The following PIEZO1 variants were observed in gnomAD, a reference collection of about 807,000 sequenced individuals.
PIEZO1 encodes piezo-type mechanosensitive ion channel component 1.
A neutral mutation model predicts 297.2 loss-of-function variants in PIEZO1; 296 were observed. The ratio of observed to expected loss-of-function variants is 1.00; its 90% CI spans 0.91 to 1.10. The LOEUF (loss-of-function observed/expected upper bound fraction) is 1.10. Among genes scored for constraint, PIEZO1 ranks in the 50% least tolerant of loss-of-function variants. The probability of loss-of-function intolerance (pLI) is 0.00; values close to 1 mark genes in which losing one functional copy is unlikely to be tolerated. For synonymous variants in PIEZO1, 2,427 were observed against 1,507.5 expected, an observed-to-expected ratio of 1.61 and a Z score of -14.13; for missense variants, 5,018 against 3,455.5, an observed-to-expected ratio of 1.45 and a Z score of -11.34.
At chr16:88,759,651 G>A (rs1465850955) in intron 1 of PIEZO1, among the ~76,000 whole-genome samples, 1 of 152,204 alleles carries the variant, frequency 6.6e-6, no homozygotes, top group Admixed American at 6.5e-5. Flanking sequence ...ATGACCCCAG[G>A]CAGAGCACAA....
chr16:88,734,111 G>A, intron 16 of PIEZO1, 57 bp from the exon 17 acceptor site: 4 of 1,465,830 alleles, frequency 2.7e-6, no homozygotes, highest in Non-Finnish European at 3.6e-6. Context: ...CTCATTTCCT[G>A]GGGCTGGAAG....
intron 39 of PIEZO1, 93 bp downstream of exon 39, chr16:88,721,073 G>C (rs1912401842): frequency 1.6e-6 from 2 of 1,282,504 alleles, no homozygotes; most frequent in Non-Finnish European, 2.1e-6. Context: ...CCTCGCACTG[G>C]GCTTGGCCGT....
At chr16:88,776,390 G>T (rs1449922754) in intron 1 of PIEZO1, among the ~76,000 whole-genome samples, 3 of 152,134 alleles carry the variant, frequency 2.0e-5, no homozygotes, top group South Asian at 4.1e-4. Context: ...GCCCAGACTG[G>T]GCCACTGCAC....
chr16:88,773,662 A>T (rs1907526806), intron 1 of PIEZO1, among the ~76,000 whole-genome samples: 1 of 150,612 alleles, frequency 6.6e-6, no homozygotes, highest in Non-Finnish European at 1.5e-5. Context: ...AGGTCGGGGG[A>T]GTGGACAGCA....
At position 88,719,920 on chromosome 16, in the gene PIEZO1, C is replaced by G. The variant is rs199752762; in HGVS notation, c.6205G>C (p.Val2069Leu). 3 of 1,550,408 alleles carry G rather than the reference C, an allele frequency of 1.9e-6. No individual in the cohort carries two copies. Among genetic ancestry groups the G allele is most frequent in the Non-Finnish European group, 2.6e-6 (3 of 1,146,946 alleles). The stretch of plus-strand genomic sequence containing the variant: ...GACAGGGCGAAGTAGATGCACTTCA[C>G]GAAGTACCAGAGCTGGGCCACCACA... ...QNVVAQLWYFVKCIYFALSAY... is the reference protein window; with the variant it reads ...QNVVAQLWYFLKCIYFALSAY... Residue 2069 changes from valine (V) to leucine (L), a missense_variant, in exon 43 of 51, where the codon GTG (valine) becomes CTG (leucine). Transcript: ENST00000301015.
rs1358902786 is a variant in PIEZO1, at chr16:88,728,480, A to G, written c.3197-819T>C. ...AACCTCGCGACCCAAAAGCAAAGTG[A>G]CCCTCGATGCTGGGGAACCCAGGAC... is the stretch of plus-strand genomic sequence containing the variant. On this transcript the variant is annotated intron_variant, in intron 22 of 50. Coordinates refer to ENST00000301015, the MANE Select transcript of PIEZO1 (RefSeq NM_001142864.4). 2.8e-5 allele frequency among the ~76,000 whole-genome samples: 4 copies of G among 143,766 alleles called. No homozygotes were observed. In the East Asian group the frequency reaches 8.5e-4, roughly 31 times the overall value. The allele number at this position is 143,766 out of a possible 152,430, so 94.3% of individuals were successfully genotyped here.
chr16:88,719,417 G>C lies in PIEZO1; in HGVS notation c.6471+157C>G, dbSNP rs542420473. 9 of 653,708 alleles carry C rather than the reference G, an allele frequency of 1.4e-5. No homozygotes were observed. The South Asian group carries it at 1.5e-4, about 11-fold the overall frequency. The allele number at this position is 653,708 out of a possible 1,614,324, so 40.5% of individuals were successfully genotyped here. A position where few individuals can be genotyped will look rare whatever the true frequency, so the allele number is the denominator to read the frequency against. On this transcript the variant is annotated intron_variant, in intron 44 of 50. Transcript: ENST00000301015. The stretch of plus-strand genomic sequence containing the variant: ...CGCAGCTGCCAAGATCACTGGCCTC[G>C]TGATCAGCTAGTGGGTGGGCTCGCC...
chr16:88,720,387 C>G lies in PIEZO1; in HGVS notation c.5947G>C (p.Gly1983Arg). Reference protein sequence around the residue: ...IIIIFGFWAFGKHSAATDITS... With the variant: ...IIIIFGFWAFRKHSAATDITS... The stretch of plus-strand genomic sequence containing the variant: ...TTTGGGTCCCGGGCCTGGCTCACCC[C>G]AAAGGCCCAGAAGCCAAAAATGATG... The change falls in exon 41 of 51, where the codon GGG becomes CGG. Residue 1983 changes from glycine (G) to arginine (R), a missense_variant and splice_region_variant. Coordinates refer to ENST00000301015, the MANE Select transcript of PIEZO1 (RefSeq NM_001142864.4). The G allele has an allele frequency of 6.5e-7, 1 of 1,550,376 alleles. No individual in the cohort carries two copies. The highest frequency in any genetic ancestry group is 8.7e-7 in the Non-Finnish European group (1 of 1,146,952).
chr16:88,720,009 G>A, intron 42 of PIEZO1, 49 bp from the exon 43 acceptor site: 1 of 1,549,214 alleles, frequency 6.5e-7, no homozygotes, highest in Non-Finnish European at 8.7e-7. Context: ...CAGCCCCGCA[G>A]GGCCCCCAGC....
chr16:88,761,270 C>T (rs572741818), intron 1 of PIEZO1, among the ~76,000 whole-genome samples: 1 of 152,350 alleles, frequency 6.6e-6, no homozygotes, highest in East Asian at 1.9e-4. Flanking sequence ...CCACCACGCC[C>T]ATTTCACAGA....
intron 1 of PIEZO1, among the ~76,000 whole-genome samples, chr16:88,772,055 C>G (rs1907447904): frequency 1.4e-5 from 2 of 140,204 alleles, no homozygotes; most frequent in Admixed American, 7.0e-5. Flanking sequence ...ACCCGCGGCC[C>G]CAGGCCCACC....
rs777745337 is a variant in PIEZO1 at position 88,742,426 on chromosome 16, C to T, written c.161-4G>A. On this transcript the variant is annotated splice_polypyrimidine_tract_variant and splice_region_variant and intron_variant, in intron 2 of 50. Coordinates refer to ENST00000301015, the MANE Select transcript of PIEZO1 (RefSeq NM_001142864.4). ...CGCAGGAGGCGGCCTGTGTGACCTG[C>T]GGCAGAGCGAGTGGGTGAGGCTGGT... 2.1e-5 allele frequency: 32 copies of T among 1,534,102 alleles called. No homozygotes were observed. The highest frequency in any genetic ancestry group is 4.9e-5 in the East Asian group (2 of 40,918).
Position 88,727,563 on chromosome 16 carries a change from G to C in PIEZO1, c.3295C>G (p.Leu1099Val). The change falls in exon 23 of 51, where the codon CTC becomes GTC. Residue 1099 changes from leucine (L) to valine (V), a missense_variant. By Grantham distance (32) the Leu-to-Val change is conservative. Coordinates refer to ENST00000301015, the MANE Select transcript of PIEZO1 (RefSeq NM_001142864.4). ...GGTGGTGGGGGGCACTCACTGATGA[G>C]GTTGGTGGAGTTGGGGGCCCGGAAG... ...DFFRAPNSTN[L>V]ISDFLLLLCA... 2.1e-6 allele frequency: 3 copies of C among 1,447,354 alleles called. No individual in the cohort carries two copies. The highest frequency in any genetic ancestry group is 1.4e-5 in the African/African-American group (1 of 70,904). 89.7% of individuals were successfully genotyped at this position (1,447,354 alleles called of 1,614,324 possible).
At chr16:88,769,563 G>A (rs1343490621) in intron 1 of PIEZO1, among the ~76,000 whole-genome samples, 1 of 152,192 alleles carries the variant, frequency 6.6e-6, no homozygotes, top group East Asian at 1.9e-4. Context: ...TCCTACCACT[G>A]CACATGACCG....
intron 30 of PIEZO1, among the ~76,000 whole-genome samples, chr16:88,724,515 G>A (rs1904312990): frequency 6.7e-6 from 1 of 150,198 alleles, no homozygotes; most frequent in African/African-American, 2.5e-5. Flanking sequence ...TGGGCGACAG[G>A]GCAAGACACC....
Position 88,722,293 on chromosome 16 carries a change from T to A in PIEZO1, c.4880A>T (p.Asp1627Val). 6.5e-7 allele frequency: 1 copy of A among 1,548,348 alleles called. No homozygotes were observed. The highest frequency in any genetic ancestry group is 8.7e-7 in the Non-Finnish European group (1 of 1,146,656). ...TRSGSEEAVT[D>V]PGEREAGASL... is the part of the protein sequence containing the mutation. ...GGCACCAGCCTCACGCTCCCCGGGG[T>A]CGGTGACTGCCTCCTCACTGCCACT... Residue 1627 changes from aspartate to valine, a missense_variant, in exon 36 of 51, where the codon GAC (aspartate) becomes GTC (valine). By Grantham distance (152) the Asp-to-Val change is radical (BLOSUM62 -3). Transcript: ENST00000301015.
Position 88,737,956 on chromosome 16 carries a change from C to T in PIEZO1, c.998G>A (p.Arg333His), listed in dbSNP as rs139099911. Residue 333 changes from arginine to histidine, a missense_variant, in exon 8 of 51, where the codon CGC becomes CAC. Transcript: ENST00000301015. Reference protein sequence around the residue: ...CYATASLRKLRAYRPSGQRKE... With the variant: ...CYATASLRKLHAYRPSGQRKE... ...CACCTGGCCGGAGGGGCGGTACGCG[C>T]GGAGCTTGCGCAGAGAGGCCGTGGC... 5.9e-3 allele frequency: 9,029 copies of T among 1,531,970 alleles called. 35 individuals are homozygous for T. The highest frequency in any genetic ancestry group is 0.014 in the African/African-American group (1,013 of 73,116). 94.9% of individuals were successfully genotyped at this position (1,531,970 alleles called of 1,614,324 possible).
intron 21 of PIEZO1, 132 bp from the exon 22 acceptor site, chr16:88,732,042 C>T (rs1272528693): frequency 9.0e-6 from 1 of 110,734 alleles, no homozygotes; most frequent in Non-Finnish European, 1.7e-5. Context: ...AGGACAGGGC[C>T]AGCGGCGCTG....
At chr16:88,725,553 TGG>T in intron 28 of PIEZO1, 34 bp from the exon 29 acceptor site, 1 of 1,535,584 alleles carries the variant, frequency 6.5e-7, no homozygotes, top group Non-Finnish European at 8.8e-7. Flanking sequence ...TGCTGAGCAT[TGG>T]GGGGAGGAGC....
Sources: gnomAD v4.1 joint callset for allele counts (sites outside exome capture counted in the v4.1 genomes callset) on GRCh38, gnomAD v4.1.1 for gene constraint, MANE v1.5 for transcripts, NCBI Gene and HGNC (gene_info 2026-07-23, HGNC 2026-07-21) for gene names.